IDO2: variants seen among roughly 807,000 people sequenced by gnomAD.
IDO2 encodes the protein indoleamine 2,3-dioxygenase 2.
Under a neutral mutation model 45.1 loss-of-function variants are expected in IDO2, and 46 were observed. That is an observed-to-expected ratio of 1.02 (90% confidence interval 0.80 to 1.30). The LOEUF (loss-of-function observed/expected upper bound fraction) is 1.30. Among genes scored for constraint, IDO2 ranks in the 50% most tolerant of loss-of-function variants. The pLI, the probability that IDO2 is intolerant of heterozygous loss-of-function variation, is 0.00. For synonymous variants in IDO2, 218 were observed against 184.9 expected, an observed-to-expected ratio of 1.18 and a Z score of -1.45; for missense variants, 544 against 491.8, an observed-to-expected ratio of 1.11 and a Z score of -1.00.
chr8:39,940,161 T>C (rs1379149054), intron 1 of IDO2, among the ~76,000 whole-genome samples: 1 of 152,156 alleles, frequency 6.6e-6, no homozygotes, highest in East Asian at 1.9e-4. Flanking sequence ...TCATGCAGGG[T>C]ACAGCCCTGA....
In IDO2 at chr8:39,983,507, C is replaced by T. The variant is rs917754440; in HGVS notation, c.434+737C>T. ...TCCTCAGCCATGGGATTGCCAGAGGCGATGATGGGAATCTACTTAAAAGGG... is the reference window on the plus strand; with the variant it reads ...TCCTCAGCCATGGGATTGCCAGAGGTGATGATGGGAATCTACTTAAAAGGG... On this transcript the variant is annotated intron_variant, in intron 5 of 10. Transcript: ENST00000502986. 8.5e-5 allele frequency among the ~76,000 whole-genome samples: 13 copies of T among 152,194 alleles called. No homozygotes were observed. In the East Asian group the frequency reaches 1.9e-3, roughly 23 times the overall value.
At chr8:39,982,201 A>G (rs766485969) in intron 4 of IDO2, among the ~76,000 whole-genome samples, 3 of 148,508 alleles carry the variant, frequency 2.0e-5, no homozygotes, top group Non-Finnish European at 4.4e-5. Context: ...TCTATCATCT[A>G]TCTATGTATC....
intron 10 of IDO2, 95 bp downstream of exon 10, chr8:40,013,808 A>C: frequency 9.9e-7 from 1 of 1,009,344 alleles, no homozygotes; most frequent in Non-Finnish European, 1.4e-6. Flanking sequence ...TATAAATTAA[A>C]ATGTCATGAA....
intron 9 of IDO2, among the ~76,000 whole-genome samples, chr8:40,008,109 C>T (rs375965873): frequency 9.4e-5 from 14 of 149,046 alleles, no homozygotes; most frequent in South Asian, 2.1e-4. Context: ...TGCAGTGGCA[C>T]GATCTCGGCT....
chr8:39,948,868 T>A (rs1807775825), intron 1 of IDO2, among the ~76,000 whole-genome samples: 1 of 152,164 alleles, frequency 6.6e-6, no homozygotes, highest in African/African-American at 2.4e-5. Context: ...TGGAACAAAT[T>A]TGTCTCTGGG....
In IDO2 at chr8:39,948,675, T is replaced by C. The variant is rs150668816; in HGVS notation, c.-17-474T>C. ...GTGCTTTCAGGGCTGGTAGGAAGGA[T>C]TAAATCTTTGCGGCAATTTCTGAGA... is the stretch of plus-strand genomic sequence containing the variant. On this transcript the variant is annotated intron_variant, in intron 1 of 10. Coordinates refer to ENST00000502986, the Ensembl canonical transcript of IDO2. Among the ~76,000 whole-genome samples the C allele has an allele frequency of 3.8e-3, 586 of 152,338 alleles. 3 individuals carry two copies. Among genetic ancestry groups the C allele is most frequent in the South Asian group, 0.012 (59 of 4,830 alleles).
At chr8:40,005,750 T>C (rs138881850) in intron 9 of IDO2, among the ~76,000 whole-genome samples, 140 of 152,306 alleles carry the variant, frequency 9.2e-4, no homozygotes, top group African/African-American at 2.1e-3. Flanking sequence ...TAGAGTTGGA[T>C]AGCATCGAAG....
chr8:39,956,293 C>T (rs995882156), intron 2 of IDO2, among the ~76,000 whole-genome samples: 1 of 152,066 alleles, frequency 6.6e-6, no homozygotes, highest in African/African-American at 2.4e-5. Context: ...AACTCCTGAC[C>T]TCAAGTGATC....
At chr8:39,965,035 C>A (rs1461576211) in intron 3 of IDO2, among the ~76,000 whole-genome samples, 1 of 152,174 alleles carries the variant, frequency 6.6e-6, no homozygotes, top group Non-Finnish European at 1.5e-5. Context: ...AGGTCGTCTG[C>A]CGTAGGCATT....
exon 5 of IDO2, chr8:39,982,675 T>C: frequency 6.2e-7 from 1 of 1,610,796 alleles, no homozygotes. Context: ...ATCTTGCCCT[T>C]CCATTTGTCG....
intron 2 of IDO2, among the ~76,000 whole-genome samples, chr8:39,962,832 T>TTGA (rs1284390030): frequency 6.6e-6 from 1 of 152,148 alleles, no homozygotes; most frequent in African/African-American, 2.4e-5. Context: ...AAGGCAACAT[T>TTGA]TGATTGGTTA....
At chr8:39,949,588 G>A (rs941278927) in intron 2 of IDO2, among the ~76,000 whole-genome samples, 3 of 152,172 alleles carry the variant, frequency 2.0e-5, no homozygotes, top group African/African-American at 7.2e-5. Context: ...TAGAGCCTCA[G>A]CACCTGGAAC....
At position 39,982,652 on chromosome 8, in the gene IDO2, GT is replaced by G; in HGVS notation, c.317del (p.Val106AlafsTer30). 6.3e-7 allele frequency: 1 copy of G among 1,592,432 alleles called. No homozygotes were observed. The highest frequency in any genetic ancestry group is 8.6e-7 in the Non-Finnish European group (1 of 1,163,748). ...ATTTGTCTGGATTTATATCTGAAAG[GT>G]CCTGCCAAGGAATCTTGCCCTTCCA... On this transcript the variant is annotated frameshift_variant and splice_region_variant, in exon 5 of 11. Transcript: ENST00000502986. LOFTEE classifies it high-confidence loss of function.
chr8:39,941,539 C>G (rs995134206), intron 1 of IDO2, among the ~76,000 whole-genome samples: 5 of 151,796 alleles, frequency 3.3e-5, no homozygotes, highest in African/African-American at 1.2e-4. Flanking sequence ...ATTGGCAGGA[C>G]CTAAGATAGT....
intron 5 of IDO2, chr8:39,984,905 T>G (rs1383305949): frequency 4.6e-6 from 2 of 436,730 alleles, no homozygotes; most frequent in African/African-American, 4.1e-5. Flanking sequence ...AATACAAAAA[T>G]GTAAGATGAG....
chr8:40,015,582 A>G lies in IDO2; in HGVS notation c.1204A>G (p.Ile402Val), dbSNP rs757423775. Residue 402 changes from isoleucine (I) to valine (V), a missense_variant, in exon 11 of 11, where the codon ATC becomes GTC. Physicochemically the swap from Ile to Val is conservative, Grantham distance 29 (BLOSUM62 3). Coordinates refer to ENST00000502986, the Ensembl canonical transcript of IDO2. Reference sequence around the variant, plus strand: ...TGTCAGGGATAAGACCTTGGAGTCAATCCTTCACCCACGTGGTTAGGAGGC... The same window carrying G: ...TGTCAGGGATAAGACCTTGGAGTCAGTCCTTCACCCACGTGGTTAGGAGGC... The G allele has an allele frequency of 8.1e-6, 13 of 1,612,228 alleles. No homozygotes were observed. In the Admixed American group the frequency reaches 1.7e-4, roughly 21 times the overall value.
chr8:39,984,595 A>T (rs904966536), intron 5 of IDO2, among the ~76,000 whole-genome samples: 2 of 152,220 alleles, frequency 1.3e-5, no homozygotes, highest in African/African-American at 4.8e-5. Flanking sequence ...CTCACCAATT[A>T]TTCTGCTTGG....
chr8:40,003,445 A>T (rs937375108), intron 8 of IDO2, among the ~76,000 whole-genome samples: 1 of 151,554 alleles, frequency 6.6e-6, no homozygotes, highest in Non-Finnish European at 1.5e-5. Flanking sequence ...TTCTTTCAAG[A>T]TAAAGGGCTT....
intron 1 of IDO2, among the ~76,000 whole-genome samples, chr8:39,937,601 G>T (rs1183448723): frequency 3.3e-5 from 5 of 151,242 alleles, no homozygotes; most frequent in Non-Finnish European, 7.4e-5. Context: ...GCTCACTGTA[G>T]CCTTGAATTC....
Sources: gnomAD v4.1 joint callset for allele counts (sites outside exome capture counted in the v4.1 genomes callset) on GRCh38, gnomAD v4.1.1 for gene constraint, MANE v1.5 for transcripts, NCBI Gene and HGNC (gene_info 2026-07-23, HGNC 2026-07-21) for gene names.